The following ERVV-2 variants were observed in gnomAD, a reference collection of about 807,000 sequenced individuals.
ERVV-2 encodes endogenous retrovirus group V member 2, envelope.
For missense variants in ERVV-2, 291 were observed against 495.1 expected, an observed-to-expected ratio of 0.59 and a Z score of 3.91; for synonymous variants, 105 against 184.6, an observed-to-expected ratio of 0.57 and a Z score of 3.49.
Position 53,050,928 on chromosome 19 carries a change from C to A in ERVV-2, c.*69C>A. On this transcript the variant is annotated 3_prime_UTR_variant, in exon 2 of 2. Coordinates refer to ENST00000601417, the MANE Select transcript of ERVV-2 (RefSeq NM_001191055.2). ...GTCAGCAGGAAGTAGTTACAGAAGACCCACGACGTCCTTACAACCAGAGCT... is the reference window on the plus strand; with the variant it reads ...GTCAGCAGGAAGTAGTTACAGAAGAACCACGACGTCCTTACAACCAGAGCT... The A allele has an allele frequency of 7.3e-7, 1 of 1,372,346 alleles. No homozygotes were observed. The highest frequency in any genetic ancestry group is 9.6e-7 in the Non-Finnish European group (1 of 1,039,126). The allele number at this position is 1,372,346 out of a possible 1,614,324, so 85.0% of individuals were successfully genotyped here. A position where few individuals can be genotyped will look rare whatever the true frequency, so the allele number is the denominator to read the frequency against.
rs1283575287 is a variant in ERVV-2 at position 53,050,513 on chromosome 19, A to T, written c.1262A>T (p.Lys421Ile). The T allele has an allele frequency of 4.1e-6, 3 of 730,670 alleles. No homozygotes were observed. The Admixed American group carries it at 6.0e-5, about 15-fold the overall frequency. The allele number at this position is 730,670 out of a possible 1,614,324, so 45.3% of individuals were successfully genotyped here. A position where few individuals can be genotyped will look rare whatever the true frequency, so the allele number is the denominator to read the frequency against. Reference sequence around the variant, plus strand: ...AGTGGGGCGATAGAGGAGGATATAAAAAAGATCTATGATGAGGCTACGTGG... The same window carrying T: ...AGTGGGGCGATAGAGGAGGATATAATAAAGATCTATGATGAGGCTACGTGG... ...NNSGAIEEDI[K>I]KIYDEATWLH... Residue 421 changes from lysine (K) to isoleucine (I), a missense_variant, in exon 2 of 2, where the codon AAA (lysine) becomes ATA (isoleucine). Coordinates refer to ENST00000601417, the MANE Select transcript of ERVV-2 (RefSeq NM_001191055.2).
Position 53,050,899 on chromosome 19 carries a change from C to G in ERVV-2, c.*40C>G. 6.8e-7 allele frequency: 1 copy of G among 1,460,166 alleles called. No homozygotes were observed. The allele number at this position is 1,460,166 out of a possible 1,614,324, so 90.5% of individuals were successfully genotyped here. On this transcript the variant is annotated 3_prime_UTR_variant, in exon 2 of 2. Transcript: ENST00000601417. ...GGGAGACCCTGATGACTTCTTCGCC[C>G]CATGTCAGCAGGAAGTAGTTACAGA... is the stretch of plus-strand genomic sequence containing the variant.
chr19:53,047,543 C>G (rs1006117797), intron 1 of ERVV-2, among the ~76,000 whole-genome samples: 1 of 152,156 alleles, frequency 6.6e-6, no homozygotes, highest in African/African-American at 2.4e-5. Flanking sequence ...CCCAGGAAAT[C>G]TAAGAAATCC....
chr19:53,050,660 T>A lies in ERVV-2; in HGVS notation c.1409T>A (p.Leu470His), dbSNP rs1327680104. 6.7e-7 allele frequency: 1 copy of A among 1,482,038 alleles called. No homozygotes were observed. Among genetic ancestry groups the A allele is most frequent in the Admixed American group, 2.0e-5 (1 of 50,924 alleles). The allele number at this position is 1,482,038 out of a possible 1,614,324, so 91.8% of individuals were successfully genotyped here. ...GGACCAGCAACAGTTATACTCTTAC[T>A]TTTCCTCTTTGGCCCTTGTTTCTTT... The part of the protein sequence containing the change: ...LLGPATVILL[L>H]FLFGPCFFNL... The change falls in exon 2 of 2, where the codon CTT becomes CAT. Residue 470 changes from leucine to histidine, a missense_variant. Transcript: ENST00000601417.
chr19:53,051,040 A>T lies in ERVV-2; in HGVS notation c.*181A>T. The T allele has an allele frequency of 1.7e-6, 1 of 580,478 alleles. No individual in the cohort carries two copies. Among genetic ancestry groups the T allele is most frequent in the Non-Finnish European group, 2.9e-6 (1 of 342,078 alleles). 36.0% of individuals were successfully genotyped at this position (580,478 alleles called of 1,614,324 possible). A position where few individuals can be genotyped will look rare whatever the true frequency, so the allele number is the denominator to read the frequency against. On this transcript the variant is annotated 3_prime_UTR_variant, in exon 2 of 2. Transcript: ENST00000601417. Reference sequence around the variant, plus strand: ...CAGGCAAGAGAGCCCTTGGGAAAGGAATCTTTAGAAACGCAGCCCACTGAT... The same window carrying T: ...CAGGCAAGAGAGCCCTTGGGAAAGGTATCTTTAGAAACGCAGCCCACTGAT...
Position 53,049,079 on chromosome 19 carries a change from T to A in ERVV-2, c.-173T>A. The A allele has an allele frequency of 2.7e-6, 2 of 731,298 alleles. No individual in the cohort carries two copies. The highest frequency in any genetic ancestry group is 3.8e-5 in the South Asian group (2 of 52,454). The allele number at this position is 731,298 out of a possible 1,614,324, so 45.3% of individuals were successfully genotyped here. On this transcript the variant is annotated 5_prime_UTR_variant, in exon 2 of 2. Coordinates refer to ENST00000601417, the MANE Select transcript of ERVV-2 (RefSeq NM_001191055.2). ...AAGTCAATCTCAGTACGGGGAATCT[T>A]GGTTGCGGTGGCATTGGTTCTTCTC...
intron 1 of ERVV-2, 56 bp downstream of exon 1, chr19:53,045,014 T>C (rs1056143841): frequency 2.0e-5 from 3 of 152,332 alleles, no homozygotes; most frequent in Non-Finnish European, 4.4e-5. Context: ...TGCTTCTTTC[T>C]GCACTGAAGA....
chr19:53,051,438 G>A lies in ERVV-2; in HGVS notation c.*579G>A, dbSNP rs867458894. On this transcript the variant is annotated 3_prime_UTR_variant, in exon 2 of 2. Transcript: ENST00000601417. ...TGGGATTATAGACGTGAGCCACTGC[G>A]CCTGGCTACTCAGAACGCTTCTGAA... 5.9e-5 allele frequency among the ~76,000 whole-genome samples: 9 copies of A among 151,938 alleles called. No homozygotes were observed. Among genetic ancestry groups the A allele is most frequent in the East Asian group, 1.9e-4 (1 of 5,170 alleles).
chr19:53,046,869 T>C (rs2083893147), intron 1 of ERVV-2, among the ~76,000 whole-genome samples: 2 of 152,126 alleles, frequency 1.3e-5, no homozygotes, highest in African/African-American at 4.8e-5. Context: ...CTGATCAACA[T>C]GGAGAAACCC....
Position 53,049,095 on chromosome 19 carries a change from G to A in ERVV-2, c.-157G>A. The A allele has an allele frequency of 6.4e-6, 5 of 784,406 alleles. No individual in the cohort carries two copies. The highest frequency in any genetic ancestry group is 9.8e-6 in the Non-Finnish European group (5 of 509,190). The allele number at this position is 784,406 out of a possible 1,614,324, so 48.6% of individuals were successfully genotyped here. On this transcript the variant is annotated 5_prime_UTR_variant, in exon 2 of 2. Transcript: ENST00000601417. ...GGGGAATCTTGGTTGCGGTGGCATT[G>A]GTTCTTCTCCTTATTTTGACCCAAC...
rs1002762933 is a variant in ERVV-2 at position 53,050,993 on chromosome 19, T to C, written c.*134T>C. On this transcript the variant is annotated 3_prime_UTR_variant, in exon 2 of 2. Transcript: ENST00000601417. ...TCTCTTGAGGAGGGAAATATTAGGGTAGGCAGGTAGGCAGGCATGAGCAGG... is the reference window on the plus strand; with the variant it reads ...TCTCTTGAGGAGGGAAATATTAGGGCAGGCAGGTAGGCAGGCATGAGCAGG... 1.2e-5 allele frequency: 9 copies of C among 758,866 alleles called. No homozygotes were observed. The South Asian group carries it at 1.6e-4, about 13-fold the overall frequency. The allele number at this position is 758,866 out of a possible 1,614,324, so 47.0% of individuals were successfully genotyped here. A position where few individuals can be genotyped will look rare whatever the true frequency, so the allele number is the denominator to read the frequency against.
intron 1 of ERVV-2, among the ~76,000 whole-genome samples, chr19:53,046,109 A>C (rs2083889776): frequency 1.3e-5 from 2 of 151,980 alleles, no homozygotes; most frequent in South Asian, 4.2e-4. Context: ...TAAATATACA[A>C]AAATTAGCCG....
intron 1 of ERVV-2, among the ~76,000 whole-genome samples, chr19:53,045,504 T>C (rs2083887483): frequency 6.6e-6 from 1 of 152,106 alleles, no homozygotes; most frequent in African/African-American, 2.4e-5. Context: ...AGTTTCACCA[T>C]ATTGGCCAGG....
At chr19:53,048,746 C>A in intron 1 of ERVV-2, 121 bp from the exon 2 acceptor site, 1 of 184,196 alleles carries the variant, frequency 5.4e-6, no homozygotes, top group Non-Finnish European at 1.1e-5. Flanking sequence ...TGCTCTTGAC[C>A]CTTTCAGGAA....
rs2560955 is a variant in ERVV-2, at chr19:53,051,103, T to G, written c.*244T>G. 65,942 of 408,274 alleles carry G rather than the reference T, an allele frequency of 0.16. 7,086 individuals are homozygous for G. Among genetic ancestry groups the G allele is most frequent in the African/African-American group, 0.31 (14,286 of 46,566 alleles). The allele number at this position is 408,274 out of a possible 1,614,324, so 25.3% of individuals were successfully genotyped here. On this transcript the variant is annotated 3_prime_UTR_variant, in exon 2 of 2. Coordinates refer to ENST00000601417, the MANE Select transcript of ERVV-2 (RefSeq NM_001191055.2). ...GATGCTGCCCACAGACAGTCAGCACTTCTCTAATAACCCATCCTAGAACAG... is the reference window on the plus strand; with the variant it reads ...GATGCTGCCCACAGACAGTCAGCACGTCTCTAATAACCCATCCTAGAACAG...
At position 53,049,173 on chromosome 19, in the gene ERVV-2, A is replaced by G; in HGVS notation, c.-79A>G. The G allele has an allele frequency of 1.7e-6, 2 of 1,155,060 alleles. No homozygotes were observed. Among genetic ancestry groups the G allele is most frequent in the Non-Finnish European group, 1.2e-6 (1 of 827,152 alleles). 71.6% of individuals were successfully genotyped at this position (1,155,060 alleles called of 1,614,324 possible). ...AGCCTGATTTCTCACTAAACACTCCATCGAACCACTTCATTATTTGTCTCT... is the reference window on the plus strand; with the variant it reads ...AGCCTGATTTCTCACTAAACACTCCGTCGAACCACTTCATTATTTGTCTCT... On this transcript the variant is annotated 5_prime_UTR_variant, in exon 2 of 2. Coordinates refer to ENST00000601417, the MANE Select transcript of ERVV-2 (RefSeq NM_001191055.2).
In ERVV-2 at chr19:53,050,840, T is replaced by C. The variant is rs1158327764; in HGVS notation, c.1589T>C (p.Met530Thr). 5 of 1,532,406 alleles carry C rather than the reference T, an allele frequency of 3.3e-6. No individual in the cohort carries two copies. Among genetic ancestry groups the C allele is most frequent in the Non-Finnish European group, 4.4e-6 (5 of 1,145,486 alleles). 94.9% of individuals were successfully genotyped at this position (1,532,406 alleles called of 1,614,324 possible). A position where few individuals can be genotyped will look rare whatever the true frequency, so the allele number is the denominator to read the frequency against. ...DASGQRFRET[M>T]EEFSL The stretch of plus-strand genomic sequence containing the variant: ...AGTGGGCAAAGATTCCGGGAAACTA[T>C]GGAGGAATTTTCTCTCTGAGACAGA... Residue 530 changes from methionine (M) to threonine (T), a missense_variant, in exon 2 of 2, where the codon ATG becomes ACG. By Grantham distance (81) the Met-to-Thr change is moderately conservative. Coordinates refer to ENST00000601417, the MANE Select transcript of ERVV-2 (RefSeq NM_001191055.2).
At chr19:53,045,553 G>A (rs6509717) in intron 1 of ERVV-2, among the ~76,000 whole-genome samples, 53,681 of 151,086 alleles carry the variant, frequency 0.36, 7,890 homozygotes, top group Middle Eastern at 0.45. Flanking sequence ...CGCCCACCTC[G>A]GCCTCCCAAA....
Position 53,050,565 on chromosome 19 carries a change from T to C in ERVV-2, c.1314T>C (p.Ala438=). The C allele has an allele frequency of 1.2e-6, 1 of 836,744 alleles. No homozygotes were observed. Among genetic ancestry groups the C allele is most frequent in the East Asian group, 2.6e-5 (1 of 37,884 alleles). 51.8% of individuals were successfully genotyped at this position (836,744 alleles called of 1,614,324 possible). The change falls in exon 2 of 2, where the codon GCT becomes GCC. Residue 438 remains alanine, a synonymous_variant. Transcript: ENST00000601417. ...TWLHDFGKGG[A]SARAIWEAVK... is the part of the protein sequence containing the mutation. ...TCCATGACTTTGGAAAAGGAGGTGC[T>C]TCAGCAAGGGCCATCTGGGAGGCTG...
Sources: gnomAD v4.1 joint callset for allele counts (sites outside exome capture counted in the v4.1 genomes callset) on GRCh38, gnomAD v4.1.1 for gene constraint, MANE v1.5 for transcripts, NCBI Gene and HGNC (gene_info 2026-07-23, HGNC 2026-07-21) for gene names.